PVT1: variants seen among roughly 807,000 people sequenced by gnomAD.
PVT1 encodes the protein Pvt1 oncogene.
intron 2 of PVT1, among the ~76,000 whole-genome samples, chr8:127,875,998 C>A (rs908888713): frequency 2.6e-5 from 4 of 152,200 alleles, no homozygotes; most frequent in African/African-American, 4.8e-5. Flanking sequence ...CCCTGCCTTA[C>A]CTGGGGGACC....
rs115239895 is a variant in PVT1, at chr8:127,796,488, C to T, written n.372+417C>T. 7.9e-3 allele frequency among the ~76,000 whole-genome samples: 1,205 copies of T among 151,744 alleles called. 21 individuals are homozygous for T. Among genetic ancestry groups the T allele is most frequent in the African/African-American group, 0.027 (1,120 of 41,430 alleles). On this transcript the variant is annotated intron_variant and non_coding_transcript_variant, in intron 2 of 10. Transcript: ENST00000651587. ...CTGTTCTTTAGTTGTTTTTTTTTTC[C>T]GCCTCCTGAGCGGTAGGCAGGCACT...
At chr8:127,976,156 A>G (rs1012062485) in intron 3 of PVT1, among the ~76,000 whole-genome samples, 1 of 152,192 alleles carries the variant, frequency 6.6e-6, no homozygotes, top group Non-Finnish European at 1.5e-5. Flanking sequence ...TAGAATTTCA[A>G]CTTGCAGTTG....
chr8:127,871,306 C>T (rs867253721), intron 2 of PVT1, among the ~76,000 whole-genome samples: 1 of 152,326 alleles, frequency 6.6e-6, no homozygotes, highest in Middle Eastern at 3.4e-3. Flanking sequence ...CCCAGGAGCC[C>T]TCTCAGGGGA....
At chr8:127,922,656 C>T (rs144707057) in intron 3 of PVT1, among the ~76,000 whole-genome samples, 75 of 152,318 alleles carry the variant, frequency 4.9e-4, no homozygotes, top group African/African-American at 1.8e-3. Flanking sequence ...AGATCTTGCT[C>T]ATCCATCTGT....
chr8:127,932,191 C>T (rs915949224), intron 3 of PVT1, among the ~76,000 whole-genome samples: 3 of 152,306 alleles, frequency 2.0e-5, no homozygotes, highest in Middle Eastern at 3.4e-3. Context: ...TGCCAGCACT[C>T]GAGGCAGGTG....
intron 3 of PVT1, among the ~76,000 whole-genome samples, chr8:127,971,197 G>T (rs1014708626): frequency 6.6e-5 from 10 of 152,242 alleles, no homozygotes; most frequent in Admixed American, 2.0e-4. Context: ...TTTCTCATTT[G>T]CTCTGCATAG....
At chr8:127,937,574 C>CAGAGAGAGAGAGAGAGAGAGAG (rs1403061270) in intron 3 of PVT1, among the ~76,000 whole-genome samples, 1 of 96,232 alleles carries the variant, frequency 1.0e-5, no homozygotes, top group Non-Finnish European at 2.4e-5. Context: ...CACACACACA[C>CAGAGAGAGAGAGAGAGAGAGAG]ACACACAGAG....
chr8:127,823,665 G>A (rs1020097965), intron 2 of PVT1, among the ~76,000 whole-genome samples: 6 of 152,118 alleles, frequency 3.9e-5, no homozygotes, highest in South Asian at 2.1e-4. Context: ...CTTGCCACTT[G>A]TACTTCCCAT....
At chr8:127,917,243 C>G (rs1427753465) in intron 3 of PVT1, among the ~76,000 whole-genome samples, 1 of 152,202 alleles carries the variant, frequency 6.6e-6, no homozygotes, top group East Asian at 1.9e-4. Flanking sequence ...CTAGCCAGCT[C>G]TCTGGACCAG....
At chr8:128,093,529 C>A (rs989066717) in intron 5 of PVT1, among the ~76,000 whole-genome samples, 1 of 151,944 alleles carries the variant, frequency 6.6e-6, no homozygotes, top group Non-Finnish European at 1.5e-5. Flanking sequence ...TGCCCTCCAG[C>A]CTGGGGGACA....
intron 3 of PVT1, among the ~76,000 whole-genome samples, chr8:127,958,794 C>T (rs1816602268): frequency 6.6e-6 from 1 of 152,066 alleles, no homozygotes; most frequent in Non-Finnish European, 1.5e-5. Flanking sequence ...TCTGGTTGTA[C>T]GGAATAACAA....
intron 3 of PVT1, among the ~76,000 whole-genome samples, chr8:127,964,691 G>T (rs944467190): frequency 1.1e-4 from 17 of 152,148 alleles, no homozygotes; most frequent in Non-Finnish European, 2.1e-4. Context: ...TGCTCGGCTT[G>T]TGGCAGAATC....
intron 4 of PVT1, among the ~76,000 whole-genome samples, chr8:128,021,633 A>G (rs1817440117): frequency 6.6e-6 from 1 of 152,132 alleles, no homozygotes. Flanking sequence ...CAGTCCCCAC[A>G]AACAGAAATG....
chr8:128,011,006 G>A lies in PVT1; in HGVS notation n.912+21715G>A, dbSNP rs550440589. Among the ~76,000 whole-genome samples, 8 of 152,266 alleles carry A rather than the reference G, an allele frequency of 5.3e-5. No individual in the cohort carries two copies. The East Asian group carries it at 1.4e-3, about 26-fold the overall frequency. On this transcript the variant is annotated intron_variant and non_coding_transcript_variant, in intron 4 of 10. Transcript: ENST00000651587. ...CTAGAATAAAATCTAATGAAAGGGT[G>A]GGGCTATGTTTTTCTCTTGCCTTGA... is the stretch of plus-strand genomic sequence containing the variant.
At chr8:127,926,792 G>A (rs1280079479) in intron 3 of PVT1, among the ~76,000 whole-genome samples, 1 of 152,146 alleles carries the variant, frequency 6.6e-6, no homozygotes, top group East Asian at 1.9e-4. Context: ...ATCTGACTTG[G>A]AGATCCTTGG....
intron 2 of PVT1, among the ~76,000 whole-genome samples, chr8:127,798,299 A>T (rs1238348042): frequency 6.6e-6 from 1 of 151,418 alleles, no homozygotes; most frequent in Non-Finnish European, 1.5e-5. Flanking sequence ...AGCAAAACTC[A>T]GTCTCAAAAA....
chr8:127,976,289 G>A (rs754237760), intron 3 of PVT1, among the ~76,000 whole-genome samples: 4 of 152,120 alleles, frequency 2.6e-5, no homozygotes, highest in Non-Finnish European at 5.9e-5. Context: ...CCCTGCCTCT[G>A]ACTTGCCAGG....
At chr8:127,924,136 C>A (rs180902303) in intron 3 of PVT1, among the ~76,000 whole-genome samples, 12 of 152,242 alleles carry the variant, frequency 7.9e-5, no homozygotes, top group Admixed American at 2.0e-4. Context: ...TCTGTGTGTT[C>A]ATGGAGCTGT....
At chr8:127,972,823 G>A (rs1816779506) in intron 3 of PVT1, among the ~76,000 whole-genome samples, 1 of 152,178 alleles carries the variant, frequency 6.6e-6, no homozygotes, top group African/African-American at 2.4e-5. Context: ...CTCTGGGAAG[G>A]ACTGGGGCAT....
Sources: gnomAD v4.1 joint callset for allele counts (sites outside exome capture counted in the v4.1 genomes callset) on GRCh38, gnomAD v4.1.1 for gene constraint, MANE v1.5 for transcripts, NCBI Gene and HGNC (gene_info 2026-07-23, HGNC 2026-07-21) for gene names.